RTKN2: variants seen among roughly 807,000 people sequenced by gnomAD.
The protein encoded by RTKN2 is rhotekin 2, also known as rhotekin-2.
Under a neutral mutation model 71.5 loss-of-function variants are expected in RTKN2, and 69 were observed. That is an observed-to-expected ratio of 0.96 (90% CI 0.79 to 1.18). RTKN2 has a LOEUF of 1.18. RTKN2 is among the 50% of genes most tolerant of loss of function. The pLI, the probability that RTKN2 is intolerant of heterozygous loss-of-function variation, is 0.00. For synonymous variants in RTKN2, 236 were observed against 236.5 expected, an observed-to-expected ratio of 1.00 and a Z score of 0.02; for missense variants, 724 against 719.7, an observed-to-expected ratio of 1.01 and a Z score of -0.07.
Position 62,198,344 on chromosome 10 carries a change from G to A in RTKN2, c.1394C>T (p.Ser465Phe). 2 of 1,613,482 alleles carry A rather than the reference G, an allele frequency of 1.2e-6. No homozygotes were observed. Among genetic ancestry groups the A allele is most frequent in the Non-Finnish European group, 1.7e-6 (2 of 1,179,732 alleles). ...GQFLIGQHEE[S>F]LPPPWATLFD... ...GAGTGTGGCCCAAGGAGGTGGTAAGGATTCTTCATGCTGACCAATAAGGAA... is the reference window on the plus strand; with the variant it reads ...GAGTGTGGCCCAAGGAGGTGGTAAGAATTCTTCATGCTGACCAATAAGGAA... The change falls in exon 12 of 12, where the codon TCC becomes TTC. Residue 465 changes from serine to phenylalanine, a missense_variant. Physicochemically the swap from Ser to Phe is radical, Grantham distance 155 (BLOSUM62 -2). Coordinates refer to ENST00000373789, the MANE Select transcript of RTKN2 (RefSeq NM_145307.4).
At chr10:62,215,054 TG>T in intron 9 of RTKN2, 1 of 1,516,168 alleles carries the variant, frequency 6.6e-7, no homozygotes, top group Non-Finnish European at 8.9e-7. Flanking sequence ...TATGGCGAGT[TG>T]AATTCCTTCG....
intron 7 of RTKN2, 140 bp downstream of exon 7, chr10:62,223,098 G>C: frequency 2.0e-6 from 1 of 499,454 alleles, no homozygotes; most frequent in Non-Finnish European, 3.6e-6. Context: ...CTTTGGGGAA[G>C]AGGGACAGAT....
chr10:62,194,058 CCAAATACCTTTGGTACTT>C lies in RTKN2; in HGVS notation c.*3832_*3849del. 1 of 981,982 alleles carries C rather than the reference CCAAATACCTTTGGTACTT, an allele frequency of 1.0e-6. No individual in the cohort carries two copies. Among genetic ancestry groups the C allele is most frequent in the Non-Finnish European group, 1.2e-6 (1 of 826,888 alleles). 60.8% of individuals were successfully genotyped at this position (981,982 alleles called of 1,614,324 possible). The stretch of plus-strand genomic sequence containing the variant: ...CAATTACATGACTTGGGCTCGCTTA[CCAAATACCTTTGGTACTT>C]TAAAAAATGTATGTCCATGATATAA... On this transcript the variant is annotated 3_prime_UTR_variant, in exon 12 of 12. Coordinates refer to ENST00000373789, the MANE Select transcript of RTKN2 (RefSeq NM_145307.4).
rs1290515340 is a variant in RTKN2 at position 62,268,596 on chromosome 10, G to A, written c.15C>T (p.Ser5=). ...CCAGGCGGAGCGCAGGACCCCTCAGGCTCGGCCCCTCCATCTCCAACGCGA... is the reference window on the plus strand; with the variant it reads ...CCAGGCGGAGCGCAGGACCCCTCAGACTCGGCCCCTCCATCTCCAACGCGA... MEGP[S]LRGPALRLAG... The change falls in exon 1 of 12, where the codon AGC becomes AGT. Residue 5 remains serine (S), a synonymous_variant. Transcript: ENST00000373789. 1 of 1,564,494 alleles carries A rather than the reference G, an allele frequency of 6.4e-7. No homozygotes were observed. The highest frequency in any genetic ancestry group is 1.9e-5 in the Admixed American group (1 of 52,884).
intron 2 of RTKN2, among the ~76,000 whole-genome samples, chr10:62,256,654 G>A (rs1589384001): frequency 6.6e-6 from 1 of 152,154 alleles, no homozygotes; most frequent in East Asian, 1.9e-4. Context: ...AGAAAAATGT[G>A]TGCATGTATA....
In RTKN2 at chr10:62,194,976, C is replaced by T. The variant is rs767294640; in HGVS notation, c.*2932G>A. 6.1e-5 allele frequency: 60 copies of T among 985,192 alleles called. No individual in the cohort carries two copies. The highest frequency in any genetic ancestry group is 7.1e-5 in the Non-Finnish European group (59 of 829,898). 61.0% of individuals were successfully genotyped at this position (985,192 alleles called of 1,614,324 possible). ...CAAAACTCAGCAAGAGTTGGCACGC[C>T]TGATATTTTTGAAAGACTATTTACC... On this transcript the variant is annotated 3_prime_UTR_variant, in exon 12 of 12. Coordinates refer to ENST00000373789, the MANE Select transcript of RTKN2 (RefSeq NM_145307.4).
intron 10 of RTKN2, among the ~76,000 whole-genome samples, chr10:62,202,832 T>A (rs1841471249): frequency 6.6e-6 from 1 of 152,212 alleles, no homozygotes; most frequent in Middle Eastern, 3.2e-3. Flanking sequence ...TATTATCACC[T>A]TCATTTACCT....
In RTKN2 at chr10:62,195,186, TTATCA is replaced by T. The variant is rs1482454352; in HGVS notation, c.*2717_*2721del. The T allele has an allele frequency of 1.5e-5, 15 of 977,256 alleles. No homozygotes were observed. The highest frequency in any genetic ancestry group is 1.1e-3 in the Middle Eastern group (2 of 1,900). 60.5% of individuals were successfully genotyped at this position (977,256 alleles called of 1,614,324 possible). On this transcript the variant is annotated 3_prime_UTR_variant, in exon 12 of 12. Transcript: ENST00000373789. ...AGACATTATCTTTAGATCATCAGAATTATCATATCATAAAATATCTATTCTGTTTC... is the reference window on the plus strand; with the variant it reads ...AGACATTATCTTTAGATCATCAGAATTATCATAAAATATCTATTCTGTTTC...
intron 6 of RTKN2, among the ~76,000 whole-genome samples, chr10:62,228,913 A>C (rs1248219462): frequency 2.0e-5 from 3 of 152,232 alleles, no homozygotes; most frequent in Non-Finnish European, 2.9e-5. Context: ...CAGAGAGAGG[A>C]TATTGGCAGT....
intron 7 of RTKN2, among the ~76,000 whole-genome samples, chr10:62,220,608 G>A (rs1841885204): frequency 6.6e-6 from 1 of 152,090 alleles, no homozygotes; most frequent in African/African-American, 2.4e-5. Flanking sequence ...AGGTTTAACA[G>A]GCATGCAAAA....
Position 62,195,484 on chromosome 10 carries a change from G to T in RTKN2, c.*2424C>A. ...AAACTGTAAAGGAAGGGAGGAAGGA[G>T]AGACAGAAGGAAAGTGGGAAAAGGG... On this transcript the variant is annotated 3_prime_UTR_variant, in exon 12 of 12. Transcript: ENST00000373789. 1 of 933,304 alleles carries T rather than the reference G, an allele frequency of 1.1e-6. No homozygotes were observed. Among genetic ancestry groups the T allele is most frequent in the Non-Finnish European group, 1.3e-6 (1 of 782,910 alleles). The allele number at this position is 933,304 out of a possible 1,614,324, so 57.8% of individuals were successfully genotyped here.
rs887708345 is a variant in RTKN2 at position 62,215,367 on chromosome 10, T to A, written c.1020+1751A>T. ...CAATGTAATGAAAGGCATAAATAAA[T>A]AAAGGCAGGAGGTGAAGGGCACAAT... On this transcript the variant is annotated intron_variant, in intron 9 of 11. Transcript: ENST00000373789. 3.3e-5 allele frequency among the ~76,000 whole-genome samples: 5 copies of A among 151,832 alleles called. No homozygotes were observed. The South Asian group carries it at 1.0e-3, about 32-fold the overall frequency.
chr10:62,252,696 C>CA (rs1203737198), intron 2 of RTKN2, among the ~76,000 whole-genome samples: 2 of 151,242 alleles, frequency 1.3e-5, no homozygotes, highest in Non-Finnish European at 3.0e-5. Context: ...TTACTAAAAG[C>CA]AAAAAATCAA....
chr10:62,195,195 C>A lies in RTKN2; in HGVS notation c.*2713G>T, dbSNP rs1223678560. 1 of 977,024 alleles carries A rather than the reference C, an allele frequency of 1.0e-6. No individual in the cohort carries two copies. The highest frequency in any genetic ancestry group is 1.8e-5 in the African/African-American group (1 of 57,130). 60.5% of individuals were successfully genotyped at this position (977,024 alleles called of 1,614,324 possible). A position where few individuals can be genotyped will look rare whatever the true frequency, so the allele number is the denominator to read the frequency against. On this transcript the variant is annotated 3_prime_UTR_variant, in exon 12 of 12. Transcript: ENST00000373789. The stretch of plus-strand genomic sequence containing the variant: ...CTTTAGATCATCAGAATTATCATAT[C>A]ATAAAATATCTATTCTGTTTCCCCA...
At chr10:62,200,886 T>A (rs1399956644) in intron 10 of RTKN2, among the ~76,000 whole-genome samples, 2 of 152,130 alleles carry the variant, frequency 1.3e-5, no homozygotes, top group East Asian at 3.8e-4. Context: ...AAAAAAATAG[T>A]CTTGAATAAA....
chr10:62,198,103 T>C lies in RTKN2; in HGVS notation c.1635A>G (p.Leu545=), dbSNP rs1242044124. 5.0e-6 allele frequency: 8 copies of C among 1,614,018 alleles called. No individual in the cohort carries two copies. The highest frequency in any genetic ancestry group is 2.7e-5 in the African/African-American group (2 of 74,934). ...TCTGTAAGTGATGCATTAGAGTTGATAGTTTGGTATCCAAAGACGATGTCT... is the reference window on the plus strand; with the variant it reads ...TCTGTAAGTGATGCATTAGAGTTGACAGTTTGGTATCCAAAGACGATGTCT... ...VSQTSSLDTK[L]STLMHHLQKP... Residue 545 remains leucine (L), a synonymous_variant, in exon 12 of 12, where the codon CTA becomes CTG. Coordinates refer to ENST00000373789, the MANE Select transcript of RTKN2 (RefSeq NM_145307.4).
intron 2 of RTKN2, among the ~76,000 whole-genome samples, chr10:62,247,456 T>G (rs907094262): frequency 6.6e-6 from 1 of 151,984 alleles, no homozygotes; most frequent in Non-Finnish European, 1.5e-5. Context: ...AAGCCATATA[T>G]TCTCAGAATT....
intron 9 of RTKN2, chr10:62,215,104 C>T: frequency 7.0e-7 from 1 of 1,437,706 alleles, no homozygotes; most frequent in Admixed American, 2.1e-5. Context: ...TCAAAAATAT[C>T]ATTTGTTTAG....
chr10:62,268,038 C>T (rs988376309), intron 1 of RTKN2, among the ~76,000 whole-genome samples: 1 of 152,238 alleles, frequency 6.6e-6, no homozygotes, highest in Non-Finnish European at 1.5e-5. Flanking sequence ...AACCCAGTAT[C>T]AAACCTTCAA....
Sources: allele counts gnomAD v4.1 joint callset (sites outside exome capture counted in the v4.1 genomes callset), GRCh38; gene constraint gnomAD v4.1.1; transcripts MANE v1.5; gene names NCBI Gene and HGNC (gene_info 2026-07-23, HGNC 2026-07-21).